Variants in SYT14 observed in about 807,000 individuals in gnomAD.
SYT14 encodes synaptotagmin 14.
In SYT14, 32 loss-of-function variants were observed where a neutral mutation model predicts 74.2. That is an observed-to-expected ratio of 0.43 (90% CI 0.33 to 0.58). The LOEUF (loss-of-function observed/expected upper bound fraction) is 0.58, where lower values mean the gene tolerates loss of function less well. Among genes scored for constraint, SYT14 ranks in the 20% least tolerant of loss-of-function variants. The pLI is 0.05. For synonymous variants in SYT14, 298 were observed against 337.7 expected (o/e 0.88, Z 1.29); for missense variants, 791 against 981.8 (o/e 0.81, Z 2.60).
At chr1:210,000,856 A>T (rs2079887855) in intron 2 of SYT14, among the ~76,000 whole-genome samples, 1 of 151,664 alleles carries the variant, frequency 6.6e-6, no homozygotes, top group Non-Finnish European at 1.5e-5. Flanking sequence ...CTTGTGATCC[A>T]CCCACCTCGG....
At chr1:210,020,747 A>G (rs962223010) in intron 4 of SYT14, among the ~76,000 whole-genome samples, 2 of 152,214 alleles carry the variant, frequency 1.3e-5, no homozygotes, top group Admixed American at 1.3e-4. Context: ...ACTAACAAAC[A>G]TTATTTATAT....
intron 2 of SYT14, among the ~76,000 whole-genome samples, chr1:209,983,816 C>T (rs1558110160): frequency 6.6e-6 from 1 of 152,180 alleles, no homozygotes; most frequent in East Asian, 1.9e-4. Flanking sequence ...ATTTTGAACA[C>T]TCTATTGTGG....
chr1:210,073,871 C>A (rs1033013620), intron 5 of SYT14, among the ~76,000 whole-genome samples: 1 of 151,966 alleles, frequency 6.6e-6, no homozygotes, highest in Non-Finnish European at 1.5e-5. Context: ...GTTATAGTAT[C>A]AATTATGGTA....
chr1:209,987,947 G>A (rs1298705707), intron 2 of SYT14, among the ~76,000 whole-genome samples: 1 of 151,646 alleles, frequency 6.6e-6, no homozygotes, highest in Non-Finnish European at 1.5e-5. Context: ...AGTTTTCTTC[G>A]TTTTTTTCTT....
chr1:210,049,126 C>T (rs1021203143), intron 5 of SYT14, among the ~76,000 whole-genome samples: 19 of 152,230 alleles, frequency 1.2e-4, no homozygotes, highest in African/African-American at 3.9e-4. Flanking sequence ...TGAGTGTCTG[C>T]GGCTTTTCCA....
At chr1:210,040,934 C>G (rs992551343) in intron 5 of SYT14, among the ~76,000 whole-genome samples, 1 of 152,164 alleles carries the variant, frequency 6.6e-6, no homozygotes, top group South Asian at 2.1e-4. Context: ...AGCTGGGCTT[C>G]CATGATCTCT....
intron 5 of SYT14, among the ~76,000 whole-genome samples, chr1:210,057,395 A>T (rs1183478590): frequency 6.6e-6 from 1 of 152,172 alleles, no homozygotes; most frequent in African/African-American, 2.4e-5. Flanking sequence ...GGCCAAAGTT[A>T]AGGCCAACTC....
At chr1:210,159,245 AT>A (rs1049362282) in intron 8 of SYT14, among the ~76,000 whole-genome samples, 175 bp from the exon 8 acceptor site, 8 of 152,148 alleles carry the variant, frequency 5.3e-5, no homozygotes, top group Admixed American at 2.0e-4. Context: ...ATCCCATTAA[AT>A]TTACCCAACA....
At chr1:210,114,472 T>C (rs1468901185) in intron 7 of SYT14, among the ~76,000 whole-genome samples, 1 of 151,060 alleles carries the variant, frequency 6.6e-6, no homozygotes, top group Non-Finnish European at 1.5e-5. Context: ...TGGAATTTAA[T>C]TTTTGGAGCT....
chr1:210,131,214 C>T (rs1251919752), intron 7 of SYT14, among the ~76,000 whole-genome samples: 3 of 152,102 alleles, frequency 2.0e-5, no homozygotes, highest in Non-Finnish European at 4.4e-5. Flanking sequence ...CTACCATCAC[C>T]GCTGTGACTG....
At chr1:210,117,199 CCTAT>C (rs1255544803) in intron 7 of SYT14, among the ~76,000 whole-genome samples, 2 of 151,970 alleles carry the variant, frequency 1.3e-5, no homozygotes, top group Non-Finnish European at 2.9e-5. Flanking sequence ...TCAGAAATAG[CCTAT>C]CTTTTATGTT....
intron 5 of SYT14, among the ~76,000 whole-genome samples, chr1:210,026,035 A>G (rs1312017972): frequency 6.6e-6 from 1 of 152,086 alleles, no homozygotes; most frequent in East Asian, 1.9e-4. Context: ...AAGTAGGAAA[A>G]TGTAATGGCA....
chr1:210,006,233 C>CT (rs1043801734), intron 2 of SYT14, among the ~76,000 whole-genome samples: 3 of 151,762 alleles, frequency 2.0e-5, no homozygotes, highest in Non-Finnish European at 4.4e-5. Context: ...TTGTTACATT[C>CT]TTTTTTTAAT....
intron 7 of SYT14, among the ~76,000 whole-genome samples, chr1:210,153,344 C>T (rs1321651586): frequency 6.6e-6 from 1 of 152,032 alleles, no homozygotes; most frequent in Admixed American, 6.6e-5. Flanking sequence ...TTCAAAGAAA[C>T]CTGCCGATAT....
chr1:210,098,458 C>T (rs1432454547), intron 6 of SYT14, among the ~76,000 whole-genome samples: 1 of 152,128 alleles, frequency 6.6e-6, no homozygotes, highest in Non-Finnish European at 1.5e-5. Context: ...TCTGCCTTCC[C>T]CTAGGGTATT....
intron 6 of SYT14, 60 bp downstream of exon 5, chr1:210,094,653 G>A: frequency 1.3e-6 from 2 of 1,556,736 alleles, no homozygotes; most frequent in Non-Finnish European, 1.8e-6. Flanking sequence ...ATAATCCTGT[G>A]CTTCTCCTCT....
At chr1:209,971,882 G>T (rs1267986027) in intron 2 of SYT14, among the ~76,000 whole-genome samples, 1 of 152,158 alleles carries the variant, frequency 6.6e-6, no homozygotes, top group East Asian at 1.9e-4. Context: ...TTTGGTATTA[G>T]GGTGATGCTG....
At position 210,140,846 on chromosome 1, in the gene SYT14, C is replaced by G. The variant is rs146400583; in HGVS notation, c.2035-14875C>G. Among the ~76,000 whole-genome samples, 208 of 152,038 alleles carry G rather than the reference C, an allele frequency of 1.4e-3. 1 individual carries two copies. Among genetic ancestry groups the G allele is most frequent in the Middle Eastern group, 6.8e-3 (2 of 294 alleles). On this transcript the variant is annotated intron_variant, in intron 7 of 9. Transcript: ENST00000637265. ...TATTTCTGAACTGTCAATTATAGTTCGTTAATCTATTTGTCTATCCTTCTG... is the reference window on the plus strand; with the variant it reads ...TATTTCTGAACTGTCAATTATAGTTGGTTAATCTATTTGTCTATCCTTCTG...
At chr1:210,035,100 A>G (rs1423048317) in intron 5 of SYT14, among the ~76,000 whole-genome samples, 1 of 151,902 alleles carries the variant, frequency 6.6e-6, no homozygotes, top group Non-Finnish European at 1.5e-5. Flanking sequence ...CCAACAGTAT[A>G]TAAGCATACC....
Sources: allele counts gnomAD v4.1 joint callset (sites outside exome capture counted in the v4.1 genomes callset), GRCh38; gene constraint gnomAD v4.1.1; transcripts MANE v1.5; gene names NCBI Gene and HGNC (gene_info 2026-07-23, HGNC 2026-07-21).